Variants in KCNN2 observed in about 807,000 individuals in gnomAD.
KCNN2 encodes small conductance calcium-activated potassium channel protein 2.
Under a neutral mutation model 55.5 loss-of-function variants are expected in KCNN2, and 24 were observed. The observed-to-expected ratio is 0.43, with a 90% CI of 0.31 to 0.61. The LOEUF is 0.61. Ranked by LOEUF, KCNN2 falls within the 20% of genes least tolerant of loss-of-function variation. The pLI is 0.08. For synonymous variants in KCNN2, 431 were observed against 336.1 expected (o/e 1.28, Z -3.09); for missense variants, 754 against 853.6 (o/e 0.88, Z 1.45).
At chr5:114,337,161 G>C (rs1756936991) in intron 2 of KCNN2, among the ~76,000 whole-genome samples, 1 of 152,292 alleles carries the variant, frequency 6.6e-6, no homozygotes, top group Non-Finnish European at 1.5e-5. Context: ...AGATATCTCA[G>C]ATAGATTTTG....
chr5:114,467,259 A>C (rs561229239), intron 4 of KCNN2, among the ~76,000 whole-genome samples: 14 of 152,226 alleles, frequency 9.2e-5, no homozygotes, highest in Admixed American at 4.6e-4. Context: ...AGAATGCGAA[A>C]CCTAAGGTCT....
rs527485162 is a variant in KCNN2 at position 114,141,293 on chromosome 5, C to T, written c.-270-80187C>T. ...TATCCCTCTGTCTCCCCCAACCCCA[C>T]GACAGGCCCCGGTGTGTGATGTTCC... On this transcript the variant is annotated intron_variant, in intron 1 of 10. Coordinates refer to the KCNN2 transcript ENST00000512097. 6.0e-4 allele frequency among the ~76,000 whole-genome samples: 92 copies of T among 152,182 alleles called. No homozygotes were observed. In the South Asian group the frequency reaches 0.013, roughly 22 times the overall value.
At chr5:114,259,276 A>G (rs767510570) in intron 2 of KCNN2, among the ~76,000 whole-genome samples, 13 of 152,170 alleles carry the variant, frequency 8.5e-5, no homozygotes, top group Non-Finnish European at 1.9e-4. Flanking sequence ...CAAGAGCTGG[A>G]CCACTCAGAA....
At chr5:114,494,077 A>T (rs968252712) in intron 7 of KCNN2, among the ~76,000 whole-genome samples, 1 of 152,002 alleles carries the variant, frequency 6.6e-6, no homozygotes, top group African/African-American at 2.4e-5. Context: ...TATCTGATCA[A>T]TGTTTAGTTG....
chr5:114,309,889 G>A (rs1756362644), intron 2 of KCNN2, among the ~76,000 whole-genome samples: 1 of 152,146 alleles, frequency 6.6e-6, no homozygotes, highest in South Asian at 2.1e-4. Flanking sequence ...GGGATAGGTT[G>A]GATTTTGAAA....
At chr5:114,418,089 T>G in intron 3 of KCNN2, among the ~76,000 whole-genome samples, 1 of 152,178 alleles carries the variant, frequency 6.6e-6, no homozygotes, top group East Asian at 1.9e-4. Context: ...GTGTTGAAAT[T>G]TAACCCTACA....
intron 2 of KCNN2, among the ~76,000 whole-genome samples, chr5:114,269,361 T>G (rs1184994071): frequency 6.6e-6 from 1 of 152,146 alleles, no homozygotes; most frequent in Admixed American, 6.6e-5. Flanking sequence ...ACTTCCAAAC[T>G]GATTCTTTGT....
intron 5 of KCNN2, among the ~76,000 whole-genome samples, chr5:114,485,579 C>G (rs1368387551): frequency 4.6e-5 from 7 of 152,294 alleles, no homozygotes; most frequent in Non-Finnish European, 1.0e-4. Flanking sequence ...TTTACTCGAA[C>G]TCCTTTTAAC....
intron 2 of KCNN2, among the ~76,000 whole-genome samples, chr5:114,337,237 A>G (rs1205073741): frequency 1.3e-5 from 2 of 152,158 alleles, no homozygotes; most frequent in Non-Finnish European, 2.9e-5. Context: ...AATTTATCCC[A>G]TAGGTAAGTG....
At chr5:114,203,729 G>C (rs1256848788) in intron 1 of KCNN2, among the ~76,000 whole-genome samples, 2 of 152,198 alleles carry the variant, frequency 1.3e-5, no homozygotes, top group Non-Finnish European at 2.9e-5. Context: ...CAGAGAAAAG[G>C]CCATAAGAAC....
At chr5:114,263,384 A>G (rs546844128) in intron 2 of KCNN2, among the ~76,000 whole-genome samples, 48 of 150,652 alleles carry the variant, frequency 3.2e-4, no homozygotes, top group South Asian at 3.0e-3. Flanking sequence ...TGTTATTTAT[A>G]TTCTTGTTTA....
intron 2 of KCNN2, among the ~76,000 whole-genome samples, chr5:114,380,785 G>A (rs76814577): frequency 6.6e-6 from 1 of 152,262 alleles, no homozygotes; most frequent in East Asian, 1.9e-4. Context: ...GGAGAGAGTA[G>A]TGAAATGCCT....
Position 114,362,095 on chromosome 5 carries a change from G to A in KCNN2, c.-45G>A, listed in dbSNP as rs990369803. 1.3e-5 allele frequency: 2 copies of A among 153,896 alleles called. No individual in the cohort carries two copies. The highest frequency in any genetic ancestry group is 2.9e-5 in the Non-Finnish European group (2 of 68,928). The allele number at this position is 153,896 out of a possible 1,614,324, so 9.5% of individuals were successfully genotyped here. ...GCTCCCGACCATAACGCATTGCGCA[G>A]GGTGCACCACCGCTTGGTCTCCCTG... On this transcript the variant is annotated 5_prime_UTR_variant, in exon 1 of 8. Transcript: ENST00000673685.
At chr5:114,413,788 G>T (rs1759211493) in intron 3 of KCNN2, among the ~76,000 whole-genome samples, 1 of 152,106 alleles carries the variant, frequency 6.6e-6, no homozygotes, top group Non-Finnish European at 1.5e-5. Context: ...GTTCATTATG[G>T]TCCTCCTCAT....
chr5:114,244,983 G>T (rs905052484), intron 2 of KCNN2, among the ~76,000 whole-genome samples: 4 of 152,134 alleles, frequency 2.6e-5, no homozygotes, highest in African/African-American at 4.8e-5. Context: ...AATATTAATG[G>T]CTGTCAAATT....
intron 3 of KCNN2, among the ~76,000 whole-genome samples, chr5:114,426,495 T>C (rs1396153865): frequency 1.3e-5 from 2 of 152,212 alleles, no homozygotes; most frequent in Non-Finnish European, 2.9e-5. Flanking sequence ...CAGGTTAATA[T>C]TGACTCAGAG....
chr5:114,438,424 G>A (rs1760087047), intron 3 of KCNN2, among the ~76,000 whole-genome samples: 1 of 152,094 alleles, frequency 6.6e-6, no homozygotes, highest in Non-Finnish European at 1.5e-5. Flanking sequence ...GGACATAGTG[G>A]TATTAGAAAA....
chr5:114,422,837 G>C (rs1348053909), intron 3 of KCNN2, among the ~76,000 whole-genome samples: 1 of 152,174 alleles, frequency 6.6e-6, no homozygotes, highest in Non-Finnish European at 1.5e-5. Flanking sequence ...TTCTCAGAAA[G>C]CACATTCTGT....
At chr5:114,170,668 T>C (rs1285979273) in intron 1 of KCNN2, among the ~76,000 whole-genome samples, 2 of 152,030 alleles carry the variant, frequency 1.3e-5, no homozygotes, top group South Asian at 2.1e-4. Context: ...CGTCTCTCAA[T>C]TGATAGCCTT....
Sources: gnomAD v4.1 joint callset for allele counts (sites outside exome capture counted in the v4.1 genomes callset) on GRCh38, gnomAD v4.1.1 for gene constraint, MANE v1.5 for transcripts, NCBI Gene and HGNC (gene_info 2026-07-23, HGNC 2026-07-21) for gene names.